Variants in KLRG2 observed in about 807,000 individuals in gnomAD.
KLRG2 encodes the protein killer cell lectin like receptor G2.
Under a neutral mutation model 35.4 loss-of-function variants are expected in KLRG2, and 39 were observed. The ratio of observed to expected loss-of-function variants is 1.10; its 90% CI spans 0.85 to 1.44. The LOEUF (loss-of-function observed/expected upper bound fraction) is 1.44. KLRG2 is among the 40% of genes most tolerant of loss of function. The pLI, the probability that KLRG2 is intolerant of heterozygous loss-of-function variation, is 0.00. For synonymous variants in KLRG2, 283 were observed against 265.8 expected (o/e 1.06, Z -0.63); for missense variants, 632 against 570.9 (o/e 1.11, Z -1.09).
chr7:139,439,059 C>T, the KLRG2 span, among the ~76,000 whole-genome samples: 1 of 152,070 alleles, frequency 6.6e-6, no homozygotes, highest in African/African-American at 2.4e-5. Flanking sequence ...CCCCAGGAAT[C>T]CGGGAGAAAT....
chr7:139,435,736 C>G, the KLRG2 span, among the ~76,000 whole-genome samples: 1 of 152,196 alleles, frequency 6.6e-6, no homozygotes, highest in East Asian at 1.9e-4. Flanking sequence ...TAACACGATG[C>G]TGCTGAGACT....
chr7:139,441,473 G>C, the KLRG2 span, among the ~76,000 whole-genome samples: 1 of 152,130 alleles, frequency 6.6e-6, no homozygotes, highest in Non-Finnish European at 1.5e-5. Flanking sequence ...GCCTGTTGGT[G>C]GGTGGGGGAC....
chr7:139,453,238 G>A lies in KLRG2; in HGVS notation c.*349C>T, dbSNP rs1212468231. 2 of 442,510 alleles carry A rather than the reference G, an allele frequency of 4.5e-6. No homozygotes were observed. The highest frequency in any genetic ancestry group is 3.9e-6 in the Non-Finnish European group (1 of 253,890). 27.4% of individuals were successfully genotyped at this position (442,510 alleles called of 1,614,324 possible). A position where few individuals can be genotyped will look rare whatever the true frequency, so the allele number is the denominator to read the frequency against. The stretch of plus-strand genomic sequence containing the variant: ...GGAATGAGAACCCAGATTGGAATCC[G>A]CTGTGGTTGTTAACCCTGTCTTTTT... On this transcript the variant is annotated 3_prime_UTR_variant, in exon 5 of 5. Transcript: ENST00000340940.
At chr7:139,427,139 A>G in the KLRG2 span, among the ~76,000 whole-genome samples, 3 of 152,068 alleles carry the variant, frequency 2.0e-5, no homozygotes, top group Admixed American at 1.3e-4. Flanking sequence ...GAGTTAGGAA[A>G]GGTTAGAGAG....
chr7:139,445,040 T>C, the KLRG2 span, among the ~76,000 whole-genome samples: 1 of 151,442 alleles, frequency 6.6e-6, no homozygotes, highest in Non-Finnish European at 1.5e-5. Flanking sequence ...TCCTTTCCAC[T>C]AAGGGGAATT....
the KLRG2 span, among the ~76,000 whole-genome samples, chr7:139,427,106 A>T: frequency 6.6e-6 from 1 of 152,182 alleles, no homozygotes; most frequent in East Asian, 1.9e-4. Flanking sequence ...CTGTTATTTG[A>T]AAAAGCATTT....
In KLRG2 at chr7:139,453,097, G is replaced by GA. The variant is rs1459450061; in HGVS notation, c.*489_*490insT. 1.2e-5 allele frequency: 2 copies of GA among 171,678 alleles called. No individual in the cohort carries two copies. Among genetic ancestry groups the GA allele is most frequent in the African/African-American group, 4.7e-5 (2 of 42,172 alleles). 10.6% of individuals were successfully genotyped at this position (171,678 alleles called of 1,614,324 possible). A position where few individuals can be genotyped will look rare whatever the true frequency, so the allele number is the denominator to read the frequency against. ...TTCCTTGGTTAATTTTCCAGAGGCT[G>GA]CCGGTAGGCTGTGTCCGATGTACAC... is the stretch of plus-strand genomic sequence containing the variant. On this transcript the variant is annotated 3_prime_UTR_variant, in exon 5 of 5. Transcript: ENST00000340940.
At chr7:139,431,634 C>T in the KLRG2 span, among the ~76,000 whole-genome samples, 3 of 152,108 alleles carry the variant, frequency 2.0e-5, no homozygotes, top group Admixed American at 1.3e-4. Flanking sequence ...AGTCAGAGCC[C>T]GGCCTCAAAA....
At chr7:139,481,015 A>G (rs758620270) in intron 1 of KLRG2, among the ~76,000 whole-genome samples, 3 of 152,168 alleles carry the variant, frequency 2.0e-5, no homozygotes, top group Non-Finnish European at 4.4e-5. Flanking sequence ...AAGTGCTGGG[A>G]TTACAGGCGT....
At chr7:139,428,315 CT>C in the KLRG2 span, among the ~76,000 whole-genome samples, 1 of 152,104 alleles carries the variant, frequency 6.6e-6, no homozygotes, top group South Asian at 2.1e-4. Flanking sequence ...GTGCACATGG[CT>C]TTCTATAGTT....
At chr7:139,442,810 C>T in the KLRG2 span, among the ~76,000 whole-genome samples, 3 of 152,198 alleles carry the variant, frequency 2.0e-5, no homozygotes, top group South Asian at 6.2e-4. Flanking sequence ...GTCTGGGTGA[C>T]AGAGCGAGAC....
chr7:139,462,415 T>C (rs1796583992), intron 3 of KLRG2, among the ~76,000 whole-genome samples: 1 of 151,156 alleles, frequency 6.6e-6, no homozygotes, highest in Admixed American at 6.6e-5. Context: ...TCTACCCCTT[T>C]TCCACTGTCC....
the KLRG2 span, among the ~76,000 whole-genome samples, chr7:139,438,677 AT>A: frequency 9.2e-4 from 131 of 142,712 alleles, no homozygotes; most frequent in Non-Finnish European, 9.3e-4. Context: ...CATTTTGGCA[AT>A]TTTTTTTTTT....
intron 3 of KLRG2, among the ~76,000 whole-genome samples, chr7:139,458,237 G>C (rs111848975): frequency 0.071 from 10,804 of 152,036 alleles, 519 homozygotes; most frequent in Non-Finnish European, 0.11. Context: ...TATTAACCAG[G>C]TGTGGTGGCA....
At chr7:139,477,118 T>A (rs1796864528) in intron 3 of KLRG2, among the ~76,000 whole-genome samples, 1 of 152,190 alleles carries the variant, frequency 6.6e-6, no homozygotes, top group Non-Finnish European at 1.5e-5. Context: ...AAGCCAAGGA[T>A]TGCTGGGAAT....
At chr7:139,460,089 T>C in intron 3 of KLRG2, among the ~76,000 whole-genome samples, 1 of 152,182 alleles carries the variant, frequency 6.6e-6, no homozygotes, top group Non-Finnish European at 1.5e-5. Flanking sequence ...TTTCACCATG[T>C]TGGCCAGGCC....
chr7:139,432,674 G>T, the KLRG2 span, among the ~76,000 whole-genome samples: 9 of 151,760 alleles, frequency 5.9e-5, no homozygotes, highest in African/African-American at 1.9e-4. Flanking sequence ...ATCTGAGGGT[G>T]CACAAGTCTC....
At chr7:139,434,791 G>A in the KLRG2 span, among the ~76,000 whole-genome samples, 1 of 152,120 alleles carries the variant, frequency 6.6e-6, no homozygotes, top group Non-Finnish European at 1.5e-5. Context: ...CAGGAGCTAG[G>A]GTTTGAAAAC....
At chr7:139,476,244 G>A (rs1212329863) in intron 3 of KLRG2, among the ~76,000 whole-genome samples, 1 of 152,142 alleles carries the variant, frequency 6.6e-6, no homozygotes, top group Non-Finnish European at 1.5e-5. Context: ...CTCCACTGAG[G>A]AGACTGAGGT....
Sources: gnomAD v4.1 joint callset for allele counts (sites outside exome capture counted in the v4.1 genomes callset) on GRCh38, gnomAD v4.1.1 for gene constraint, MANE v1.5 for transcripts, NCBI Gene and HGNC (gene_info 2026-07-23, HGNC 2026-07-21) for gene names.